Variants in HCRTR2 observed in about 807,000 individuals in gnomAD.
HCRTR2 encodes the protein hypocretin receptor 2, also known as orexin receptor type 2.
Under a neutral mutation model 49.0 loss-of-function variants are expected in HCRTR2, and 22 were observed. The ratio of observed to expected loss-of-function variants is 0.45; its 90% CI spans 0.32 to 0.64. The LOEUF is 0.64. HCRTR2 is among the 30% of genes least tolerant of loss of function. The probability of loss-of-function intolerance (pLI) is 0.04; values close to 1 mark genes in which losing one functional copy is unlikely to be tolerated. For missense variants in HCRTR2, 491 were observed against 559.4 expected, an observed-to-expected ratio of 0.88 and a Z score of 1.23; for synonymous variants, 236 against 205.3, an observed-to-expected ratio of 1.15 and a Z score of -1.28.
At chr6:55,241,762 C>T (rs1766335889) in intron 1 of HCRTR2, among the ~76,000 whole-genome samples, 1 of 151,310 alleles carries the variant, frequency 6.6e-6, no homozygotes, top group Admixed American at 6.6e-5. Context: ...TTAAGATTAT[C>T]CCTAGGCATT....
intron 1 of HCRTR2, among the ~76,000 whole-genome samples, chr6:55,154,641 C>T (rs1161599845): frequency 2.6e-5 from 4 of 151,378 alleles, no homozygotes; most frequent in African/African-American, 9.7e-5. Context: ...TTCTATTCAG[C>T]ATAGTGCTTG....
downstream of HCRTR2, among the ~76,000 whole-genome samples, chr6:55,283,294 A>G (rs1356120155): frequency 6.6e-6 from 1 of 152,240 alleles, no homozygotes; most frequent in African/African-American, 2.4e-5. Context: ...AAAGAGCTTC[A>G]GTCTAGTGAG....
chr6:55,112,586 C>G (rs998768868), intron 1 of HCRTR2, among the ~76,000 whole-genome samples: 2 of 149,700 alleles, frequency 1.3e-5, no homozygotes, highest in Non-Finnish European at 3.0e-5. Context: ...TATACCTAAC[C>G]AAGGAGGTGA....
chr6:55,234,895 A>G (rs920104356), intron 1 of HCRTR2, among the ~76,000 whole-genome samples: 1 of 152,142 alleles, frequency 6.6e-6, no homozygotes, highest in African/African-American at 2.4e-5. Flanking sequence ...GTACATAAGA[A>G]TGTTAGTAAC....
At chr6:55,134,779 G>C (rs1358991252) in intron 1 of HCRTR2, among the ~76,000 whole-genome samples, 1 of 151,810 alleles carries the variant, frequency 6.6e-6, no homozygotes, top group Non-Finnish European at 1.5e-5. Flanking sequence ...TGTCCTCCAG[G>C]TTCATCCATG....
intron 3 of HCRTR2, among the ~76,000 whole-genome samples, chr6:55,261,681 A>C (rs922623086): frequency 1.3e-5 from 2 of 152,136 alleles, no homozygotes; most frequent in African/African-American, 4.8e-5. Context: ...GCTGGTGGGA[A>C]TGTAAGCTAG....
chr6:55,270,584 C>T (rs1416813388), intron 4 of HCRTR2, among the ~76,000 whole-genome samples: 1 of 152,144 alleles, frequency 6.6e-6, no homozygotes, highest in Non-Finnish European at 1.5e-5. Flanking sequence ...GTGGAAAAGT[C>T]CCCTGCTATC....
intron 1 of HCRTR2, among the ~76,000 whole-genome samples, chr6:55,180,413 G>T (rs1581811749): frequency 6.6e-6 from 1 of 152,238 alleles, no homozygotes; most frequent in Non-Finnish European, 1.5e-5. Flanking sequence ...TTACAGAGTT[G>T]TTTGGGCATG....
chr6:55,212,874 A>T (rs1765720855), intron 1 of HCRTR2, among the ~76,000 whole-genome samples: 1 of 152,184 alleles, frequency 6.6e-6, no homozygotes, highest in Non-Finnish European at 1.5e-5. Flanking sequence ...TCTAATTTAA[A>T]ATTCCAACTA....
intron 1 of HCRTR2, among the ~76,000 whole-genome samples, chr6:55,225,243 ATTTC>A (rs940880175): frequency 6.6e-5 from 10 of 152,148 alleles, no homozygotes; most frequent in African/African-American, 2.4e-4. Flanking sequence ...TTTACATAGT[ATTTC>A]TTTGTCTCCA....
downstream of HCRTR2, among the ~76,000 whole-genome samples, chr6:55,282,912 A>G (rs1767225813): frequency 2.0e-5 from 3 of 152,236 alleles, no homozygotes; most frequent in South Asian, 6.2e-4. Context: ...AAAAATCACA[A>G]GACTGTTGTT....
chr6:55,187,682 CTTTTTT>C (rs5876430), intron 1 of HCRTR2, among the ~76,000 whole-genome samples: 1 of 102,244 alleles, frequency 9.8e-6, no homozygotes, highest in Non-Finnish European at 1.8e-5. Context: ...ATTATTTGAT[CTTTTTT>C]TTTTTTTTTT....
intron 4 of HCRTR2, among the ~76,000 whole-genome samples, chr6:55,274,225 T>C (rs1444060067): frequency 7.3e-6 from 1 of 136,568 alleles, no homozygotes; most frequent in African/African-American, 2.8e-5. Flanking sequence ...CTCTGCAATG[T>C]TTCATCATTT....
At chr6:55,120,901 G>A (rs1008564044) in intron 1 of HCRTR2, among the ~76,000 whole-genome samples, 5 of 151,988 alleles carry the variant, frequency 3.3e-5, no homozygotes, top group African/African-American at 9.7e-5. Context: ...TTTGAAGTCA[G>A]GTAGCGTGAT....
intron 1 of HCRTR2, among the ~76,000 whole-genome samples, chr6:55,148,215 T>C (rs569405164): frequency 2.0e-5 from 3 of 152,150 alleles, no homozygotes; most frequent in South Asian, 2.1e-4. Flanking sequence ...TACTCAAAAA[T>C]TGTTTTCTAC....
intron 1 of HCRTR2, among the ~76,000 whole-genome samples, chr6:55,127,719 C>T (rs960762846): frequency 2.6e-5 from 4 of 152,096 alleles, no homozygotes; most frequent in African/African-American, 9.7e-5. Context: ...TCAGTATCAG[C>T]CTCTTGCATT....
Position 55,277,567 on chromosome 6 carries a change from A to G in HCRTR2, c.950A>G (p.Tyr317Cys), listed in dbSNP as rs769653153. The G allele has an allele frequency of 2.5e-6, 4 of 1,613,838 alleles. No homozygotes were observed. Among genetic ancestry groups the G allele is most frequent in the Non-Finnish European group, 3.4e-6 (4 of 1,179,814 alleles). ...GTGCTTTTGGTATTTGCAATTTGCTATCTACCAATTAGCATCCTCAATGTG... is the reference window on the plus strand; with the variant it reads ...GTGCTTTTGGTATTTGCAATTTGCTGTCTACCAATTAGCATCCTCAATGTG... ...MIVLLVFAIC[Y>C]LPISILNVLK... Residue 317 changes from tyrosine (Y) to cysteine (C), a missense_variant, in exon 5 of 7, where the codon TAT becomes TGT. Transcript: ENST00000370862.
intron 1 of HCRTR2, among the ~76,000 whole-genome samples, chr6:55,164,170 TTGG>T (rs1168206435): frequency 1.3e-5 from 2 of 152,196 alleles, no homozygotes; most frequent in African/African-American, 2.4e-5. Flanking sequence ...TTTTACACTG[TTGG>T]TGGGAGTGTA....
At chr6:55,108,705 G>A (rs1764008469) in intron 1 of HCRTR2, among the ~76,000 whole-genome samples, 1 of 151,972 alleles carries the variant, frequency 6.6e-6, no homozygotes. Flanking sequence ...TTTCACAGGT[G>A]TCCTTGGGGA....
Sources: allele counts gnomAD v4.1 joint callset (sites outside exome capture counted in the v4.1 genomes callset), GRCh38; gene constraint gnomAD v4.1.1; transcripts MANE v1.5; gene names NCBI Gene and HGNC (gene_info 2026-07-23, HGNC 2026-07-21).